PDS5B: variants seen among roughly 807,000 people sequenced by gnomAD.
PDS5B encodes the protein PDS5 cohesin associated factor B, also known as sister chromatid cohesion protein PDS5 homolog B.
A neutral mutation model predicts 184.1 loss-of-function variants in PDS5B; 51 were observed. The ratio of observed to expected loss-of-function variants is 0.28; its 90% CI spans 0.22 to 0.35. PDS5B has a LOEUF of 0.35. PDS5B is among the 10% of genes least tolerant of loss of function. The pLI, the probability that PDS5B is intolerant of heterozygous loss-of-function variation, is 1.00. For synonymous variants in PDS5B, 566 were observed against 569.2 expected, an observed-to-expected ratio of 0.99 and a Z score of 0.08; for missense variants, 1,180 against 1,723.3, an observed-to-expected ratio of 0.68 and a Z score of 5.58.
rs1473197731 is a variant in PDS5B at position 32,758,993 on chromosome 13, T to C, written c.3309+340T>C. On this transcript the variant is annotated intron_variant, in intron 28 of 34. Transcript: ENST00000315596. ...AAAAGCCCTTTATTGGGATTTATAA[T>C]TGGTATGAGGAAACAAGCAGAGAAC... Among the ~76,000 whole-genome samples, 4 of 152,130 alleles carry C rather than the reference T, an allele frequency of 2.6e-5. 1 individual carries two copies. The highest frequency in any genetic ancestry group is 2.0e-4 in the Admixed American group (3 of 15,282).
chr13:32,646,001 G>C (rs1566279402), intron 1 of PDS5B, among the ~76,000 whole-genome samples: 1 of 151,376 alleles, frequency 6.6e-6, no homozygotes, highest in Non-Finnish European at 1.5e-5. Flanking sequence ...TGGGTGTGTG[G>C]TGTGTGGTGT....
chr13:32,741,050 G>GT (rs371933463), intron 21 of PDS5B, 30 bp from the exon 22 acceptor site: 399,506 of 990,382 alleles, frequency 0.4, 32,283 homozygotes, highest in Non-Finnish European at 0.42. Flanking sequence ...TAAAGTCCCT[G>GT]GTTTTTTTTT....
intron 19 of PDS5B, among the ~76,000 whole-genome samples, chr13:32,729,797 T>G (rs1173896222): frequency 6.6e-6 from 1 of 152,238 alleles, no homozygotes. Context: ...AGTTGTTTTT[T>G]TCTTGTAAAT....
intron 31 of PDS5B, among the ~76,000 whole-genome samples, chr13:32,768,972 T>C (rs1235756191): frequency 2.4e-5 from 3 of 127,530 alleles, no homozygotes; most frequent in Non-Finnish European, 3.3e-5. Flanking sequence ...AAAAAAAAAT[T>C]AGCCAGGCGT....
At chr13:32,676,957 G>A (rs200099672) in intron 9 of PDS5B, among the ~76,000 whole-genome samples, 161 of 114,134 alleles carry the variant, frequency 1.4e-3, no homozygotes, top group African/African-American at 4.8e-3. Context: ...AAAAAAAAAA[G>A]ATTTAAAGGC....
chr13:32,672,688 T>A (rs1950969006), intron 7 of PDS5B, among the ~76,000 whole-genome samples: 1 of 152,152 alleles, frequency 6.6e-6, no homozygotes, highest in Non-Finnish European at 1.5e-5. Context: ...GAGATGAATG[T>A]CCCAGCCCAG....
chr13:32,673,385 C>T (rs1593393570), intron 8 of PDS5B, 29 bp downstream of exon 8: 1 of 1,571,970 alleles, frequency 6.4e-7, no homozygotes, highest in South Asian at 1.1e-5. Flanking sequence ...ATGATTCTAC[C>T]AACCAAGTTA....
At chr13:32,635,657 G>A (rs774447991) in intron 1 of PDS5B, among the ~76,000 whole-genome samples, 19 of 149,922 alleles carry the variant, frequency 1.3e-4, no homozygotes, top group Non-Finnish European at 2.5e-4. Flanking sequence ...TTTTTGATTA[G>A]TGCCATTGTA....
intron 23 of PDS5B, among the ~76,000 whole-genome samples, chr13:32,744,976 AC>A (rs1864341862): frequency 6.6e-6 from 1 of 152,168 alleles, no homozygotes; most frequent in African/African-American, 2.4e-5. Context: ...TTAAGGAGTT[AC>A]AACTTCTCCC....
intron 1 of PDS5B, among the ~76,000 whole-genome samples, chr13:32,587,416 A>G (rs1219229635): frequency 6.6e-6 from 1 of 152,164 alleles, no homozygotes; most frequent in Non-Finnish European, 1.5e-5. Context: ...ATGGTGTGCA[A>G]TTGTGACTCG....
At chr13:32,749,280 T>G (rs561022001) in intron 24 of PDS5B, among the ~76,000 whole-genome samples, 1 of 152,310 alleles carries the variant, frequency 6.6e-6, no homozygotes, top group East Asian at 1.9e-4. Context: ...TGCAAGTCAG[T>G]GCTCAGACAC....
intron 1 of PDS5B, among the ~76,000 whole-genome samples, chr13:32,636,898 G>A (rs1453818338): frequency 6.6e-6 from 1 of 152,198 alleles, no homozygotes; most frequent in Non-Finnish European, 1.5e-5. Context: ...TGATTGACAG[G>A]TGAGACTTGA....
intron 6 of PDS5B, among the ~76,000 whole-genome samples, chr13:32,664,028 A>G (rs776473337): frequency 3.2e-4 from 48 of 152,128 alleles, no homozygotes; most frequent in Non-Finnish European, 6.5e-4. Flanking sequence ...GCTCCATCCA[A>G]GTTGCTGCAA....
chr13:32,768,516 G>A (rs1168192352), intron 31 of PDS5B, among the ~76,000 whole-genome samples: 1 of 152,050 alleles, frequency 6.6e-6, no homozygotes, highest in Non-Finnish European at 1.5e-5. Flanking sequence ...ACACTTAAAG[G>A]ACAGGTGCAA....
At chr13:32,718,601 T>G (rs1952563533) in intron 19 of PDS5B, among the ~76,000 whole-genome samples, 1 of 152,202 alleles carries the variant, frequency 6.6e-6, no homozygotes, top group Non-Finnish European at 1.5e-5. Context: ...TACCACACTA[T>G]CTCTGCTATT....
intron 19 of PDS5B, among the ~76,000 whole-genome samples, chr13:32,719,298 T>G (rs997718736): frequency 3.3e-5 from 5 of 152,094 alleles, no homozygotes; most frequent in Admixed American, 3.3e-4. Flanking sequence ...TCCCCCCACC[T>G]CAGCCTCCCA....
At chr13:32,626,686 T>A (rs1230891906) in intron 1 of PDS5B, among the ~76,000 whole-genome samples, 1 of 152,154 alleles carries the variant, frequency 6.6e-6, no homozygotes, top group Non-Finnish European at 1.5e-5. Context: ...AACTTACATC[T>A]ATTGGAATCT....
intron 1 of PDS5B, among the ~76,000 whole-genome samples, chr13:32,643,423 TAC>T (rs1165638175): frequency 6.6e-6 from 1 of 152,142 alleles, no homozygotes; most frequent in African/African-American, 2.4e-5. Flanking sequence ...GAAATATAGG[TAC>T]AGTGTCCTTT....
intron 24 of PDS5B, among the ~76,000 whole-genome samples, chr13:32,749,985 G>T (rs1427491652): frequency 6.6e-6 from 1 of 152,060 alleles, no homozygotes; most frequent in Non-Finnish European, 1.5e-5. Context: ...TGTAATACCA[G>T]TCAAAAGGAT....
Sources: allele counts gnomAD v4.1 joint callset (sites outside exome capture counted in the v4.1 genomes callset), GRCh38; gene constraint gnomAD v4.1.1; transcripts MANE v1.5; gene names NCBI Gene and HGNC (gene_info 2026-07-23, HGNC 2026-07-21).